Variants in SLC15A1 observed in about 807,000 individuals in gnomAD.
SLC15A1 encodes the protein Caco-2 oligopeptide transporter.
A neutral mutation model predicts 92.9 loss-of-function variants in SLC15A1; 83 were observed. The observed-to-expected ratio is 0.89, with a 90% confidence interval of 0.75 to 1.07. The LOEUF is 1.07. Among genes scored for constraint, SLC15A1 ranks in the 50% least tolerant of loss-of-function variants. SLC15A1 has a pLI of 0.00. For missense variants in SLC15A1, 857 were observed against 880.1 expected (o/e 0.97, Z 0.33); for synonymous variants, 322 against 318.2 (o/e 1.01, Z -0.13).
rs374661720 is a variant in SLC15A1 at position 98,726,842 on chromosome 13, C to T, written c.21+1G>A. The T allele has an allele frequency of 6.8e-6, 11 of 1,612,952 alleles. No homozygotes were observed. Among genetic ancestry groups the T allele is most frequent in the East Asian group, 2.2e-5 (1 of 44,898 alleles). On this transcript the variant is annotated splice_donor_variant, in intron 2 of 22. Transcript: ENST00000376503. LOFTEE classifies it high-confidence loss of function. ...TGTAGAGAAGGAAAAAGGGTACTCA[C>T]GTGTGATTTGGACATTCCTAAAAGA...
chr13:98,733,939 G>C lies in SLC15A1; in HGVS notation c.5-7080C>G, dbSNP rs192357922. Among the ~76,000 whole-genome samples, 787 of 152,318 alleles carry C rather than the reference G, an allele frequency of 5.2e-3. 2 individuals are homozygous for C. Among genetic ancestry groups the C allele is most frequent in the Non-Finnish European group, 8.0e-3 (546 of 68,020 alleles). ...CTTGGTACTGTCCTCACCACAGTGAGTGAGTTCTTGTGAGATCTGGTCGTT... is the reference window on the plus strand; with the variant it reads ...CTTGGTACTGTCCTCACCACAGTGACTGAGTTCTTGTGAGATCTGGTCGTT... On this transcript the variant is annotated intron_variant, in intron 1 of 22. Transcript: ENST00000376503.
rs777725868 is a variant in SLC15A1, at chr13:98,724,027, T to C, written c.250A>G (p.Ile84Val). 1.9e-6 allele frequency: 3 copies of C among 1,614,040 alleles called. No homozygotes were observed. Among genetic ancestry groups the C allele is most frequent in the African/African-American group, 2.7e-5 (2 of 75,030 alleles). The stretch of plus-strand genomic sequence containing the variant: ...GTGTAGACAATGGAGAGCGACACAA[T>C]GGTCCTGTGTTTCCAAAGATTAAGA... The part of the protein sequence containing the change: ...ADSWLGKFKT[I>V]VSLSIVYTIG... Residue 84 changes from isoleucine to valine, a missense_variant, in exon 5 of 23, where the codon ATT (isoleucine) becomes GTT (valine). Coordinates refer to ENST00000376503, the MANE Select transcript of SLC15A1 (RefSeq NM_005073.4).
intron 1 of SLC15A1, among the ~76,000 whole-genome samples, chr13:98,752,333 G>T (rs1409458672): frequency 1.3e-5 from 2 of 152,028 alleles, no homozygotes; most frequent in African/African-American, 4.8e-5. Flanking sequence ...GGATTACAGT[G>T]CCCCACGGGC....
chr13:98,722,629 T>G (rs1461402172), intron 5 of SLC15A1, among the ~76,000 whole-genome samples: 1 of 152,214 alleles, frequency 6.6e-6, no homozygotes, highest in Non-Finnish European at 1.5e-5. Flanking sequence ...AAAAATTTTA[T>G]GAGACAGATA....
At chr13:98,726,882 A>G (rs375941998) in intron 1 of SLC15A1, 23 bp from the exon 2 acceptor site, 48 of 1,612,702 alleles carry the variant, frequency 3.0e-5, no homozygotes, top group African/African-American at 2.3e-4. Context: ...CAGAATCCCA[A>G]TATTAAAGTC....
At chr13:98,742,092 C>T (rs1325145393) in intron 1 of SLC15A1, among the ~76,000 whole-genome samples, 6 of 152,318 alleles carry the variant, frequency 3.9e-5, no homozygotes, top group South Asian at 2.1e-4. Flanking sequence ...TCTCAGCAGA[C>T]GCCTGGTGGT....
intron 4 of SLC15A1, among the ~76,000 whole-genome samples, chr13:98,725,027 T>G (rs1163449397): frequency 6.6e-6 from 1 of 152,120 alleles, no homozygotes; most frequent in Non-Finnish European, 1.5e-5. Flanking sequence ...GCTGTCCTCA[T>G]GGTCATGAGT....
intron 1 of SLC15A1, among the ~76,000 whole-genome samples, chr13:98,736,261 G>A (rs1441290930): frequency 5.5e-4 from 84 of 152,226 alleles, no homozygotes; most frequent in Middle Eastern, 3.4e-3. Context: ...TATTTAATAA[G>A]TGGTGCTGGG....
At chr13:98,706,994 C>T (rs937020158) in intron 15 of SLC15A1, among the ~76,000 whole-genome samples, 4 of 152,214 alleles carry the variant, frequency 2.6e-5, no homozygotes, top group Admixed American at 6.5e-5. Context: ...AGTCTGGAAG[C>T]CCAGTCCCCA....
At chr13:98,728,399 T>C (rs1367484434) in intron 1 of SLC15A1, among the ~76,000 whole-genome samples, 1 of 152,210 alleles carries the variant, frequency 6.6e-6, no homozygotes, top group Non-Finnish European at 1.5e-5. Context: ...TTGGATCTTG[T>C]CATTTGCAGC....
At chr13:98,731,143 G>A (rs1034465293) in intron 1 of SLC15A1, among the ~76,000 whole-genome samples, 2 of 152,156 alleles carry the variant, frequency 1.3e-5, no homozygotes, top group African/African-American at 2.4e-5. Context: ...GCAGGCCCAG[G>A]TGCCACACTA....
chr13:98,723,796 G>T (rs2088277622), intron 5 of SLC15A1, 116 bp downstream of exon 5: 2 of 1,413,692 alleles, frequency 1.4e-6, no homozygotes, highest in Admixed American at 4.1e-5. Flanking sequence ...CTGCCCAAGG[G>T]GGAGGAAAAA....
At chr13:98,712,293 T>C (rs1193090550) in intron 10 of SLC15A1, among the ~76,000 whole-genome samples, 1 of 152,170 alleles carries the variant, frequency 6.6e-6, no homozygotes, top group Non-Finnish European at 1.5e-5. Context: ...TGAAAAACTA[T>C]GAAAAGGTAA....
At chr13:98,687,274 G>A (rs1401134504) in intron 21 of SLC15A1, among the ~76,000 whole-genome samples, 1 of 152,152 alleles carries the variant, frequency 6.6e-6, no homozygotes, top group Admixed American at 6.5e-5. Flanking sequence ...TCAGAAAGGA[G>A]AATCTGCTGA....
intron 1 of SLC15A1, among the ~76,000 whole-genome samples, chr13:98,733,065 A>G (rs6491445): frequency 0.62 from 94,568 of 152,014 alleles, 31,274 homozygotes; most frequent in African/African-American, 0.86. Context: ...AGTGACTGCA[A>G]TTGTTGGGGG....
Position 98,686,276 on chromosome 13 carries a change from C to T in SLC15A1, c.1849G>A (p.Val617Met). ...GTCAGCAGCCATCCTGCCTGAAGCACCGACTTCATGTTGGAAGGAGCCTGA... is the reference window on the plus strand; with the variant it reads ...GTCAGCAGCCATCCTGCCTGAAGCATCGACTTCATGTTGGAAGGAGCCTGA... Reference protein sequence around the residue: ...YSQAPSNMKSVLQAGWLLTVA... With the variant: ...YSQAPSNMKSMLQAGWLLTVA... The change falls in exon 22 of 23, where the codon GTG (valine) becomes ATG (methionine). Residue 617 changes from valine (V) to methionine (M), a missense_variant. Transcript: ENST00000376503. 6.2e-7 allele frequency: 1 copy of T among 1,612,198 alleles called. No homozygotes were observed. Among genetic ancestry groups the T allele is most frequent in the Non-Finnish European group, 8.5e-7 (1 of 1,179,204 alleles).
At chr13:98,703,479 G>A (rs1354509409) in intron 17 of SLC15A1, among the ~76,000 whole-genome samples, 1 of 146,422 alleles carries the variant, frequency 6.8e-6, no homozygotes, top group Non-Finnish European at 1.5e-5. Flanking sequence ...TTTACAGAAT[G>A]CCCACAACTC....
intron 11 of SLC15A1, 64 bp from the exon 12 acceptor site, chr13:98,709,975 A>G: frequency 6.7e-7 from 1 of 1,482,406 alleles, no homozygotes; most frequent in South Asian, 1.1e-5. Context: ...TTACAAGTCA[A>G]TGGTGAGTCT....
chr13:98,693,378 G>C (rs553783439), intron 18 of SLC15A1, among the ~76,000 whole-genome samples: 6 of 152,134 alleles, frequency 3.9e-5, no homozygotes. Flanking sequence ...GATTACAGGC[G>C]TGAGCCACTG....
Sources: gnomAD v4.1 joint callset for allele counts (sites outside exome capture counted in the v4.1 genomes callset) on GRCh38, gnomAD v4.1.1 for gene constraint, MANE v1.5 for transcripts, NCBI Gene and HGNC (gene_info 2026-07-23, HGNC 2026-07-21) for gene names.